Variants in TNS3 observed in about 807,000 individuals in gnomAD.
TNS3 encodes the protein tensin 3.
Under a neutral mutation model 140.9 loss-of-function variants are expected in TNS3, and 45 were observed. The ratio of observed to expected loss-of-function variants is 0.32; its 90% confidence interval spans 0.25 to 0.41. The LOEUF (loss-of-function observed/expected upper bound fraction) is 0.41, where lower values mean the gene tolerates loss of function less well. Ranked by LOEUF, TNS3 falls within the 10% of genes least tolerant of loss-of-function variation. The probability of loss-of-function intolerance (pLI) is 1.00; values close to 1 mark genes in which losing one functional copy is unlikely to be tolerated. For synonymous variants in TNS3, 815 were observed against 788.4 expected (o/e 1.03, Z -0.56); for missense variants, 1,716 against 1,906.7 (o/e 0.90, Z 1.86).
intron 24 of TNS3, among the ~76,000 whole-genome samples, chr7:47,295,776 C>T (rs1387757638): frequency 6.6e-6 from 1 of 152,128 alleles, no homozygotes; most frequent in African/African-American, 2.4e-5. Context: ...ACGCTACAGC[C>T]CTGCCTGAGG....
At chr7:47,525,553 T>C (rs1799161612) in intron 2 of TNS3, among the ~76,000 whole-genome samples, 1 of 152,158 alleles carries the variant, frequency 6.6e-6, no homozygotes, top group South Asian at 2.1e-4. Flanking sequence ...TCTGTTTCTA[T>C]CTCCCTCAAG....
At chr7:47,446,673 C>T (rs1459103108) in intron 4 of TNS3, among the ~76,000 whole-genome samples, 1 of 131,784 alleles carries the variant, frequency 7.6e-6, no homozygotes, top group African/African-American at 2.8e-5. Flanking sequence ...CAAAGACCGC[C>T]CTGTTCCAGG....
intron 16 of TNS3, among the ~76,000 whole-genome samples, chr7:47,381,097 C>T (rs1791730688): frequency 6.6e-6 from 1 of 152,234 alleles, no homozygotes; most frequent in African/African-American, 2.4e-5. Flanking sequence ...GAAAGAAGCT[C>T]CTCCTGGGAG....
At chr7:47,386,600 G>C (rs1792086540) in intron 16 of TNS3, among the ~76,000 whole-genome samples, 1 of 152,228 alleles carries the variant, frequency 6.6e-6, no homozygotes, top group Non-Finnish European at 1.5e-5. Context: ...AGACAGCCAG[G>C]CAGGCTCTAG....
chr7:47,356,917 A>G (rs1790025975), intron 17 of TNS3, among the ~76,000 whole-genome samples: 1 of 109,172 alleles, frequency 9.2e-6, no homozygotes, highest in Admixed American at 9.8e-5. Flanking sequence ...TCTCTACAGA[A>G]AAATACAAAA....
intron 20 of TNS3, among the ~76,000 whole-genome samples, chr7:47,321,651 C>T (rs1787742292): frequency 6.6e-6 from 1 of 152,216 alleles, no homozygotes; most frequent in South Asian, 2.1e-4. Context: ...ATGCTTGAAG[C>T]TCTCATCTGT....
chr7:47,516,507 G>A (rs1258563541), intron 2 of TNS3, among the ~76,000 whole-genome samples: 1 of 152,102 alleles, frequency 6.6e-6, no homozygotes, highest in African/African-American at 2.4e-5. Context: ...TACACCTGCA[G>A]TGACTATCAG....
intron 1 of TNS3, among the ~76,000 whole-genome samples, chr7:47,530,714 C>T (rs1799360122): frequency 6.7e-6 from 1 of 150,198 alleles, no homozygotes; most frequent in Admixed American, 6.7e-5. Context: ...ATCCCAGCTA[C>T]TCGGGAGGCT....
intron 16 of TNS3, among the ~76,000 whole-genome samples, chr7:47,392,641 A>G (rs1032846727): frequency 2.0e-5 from 3 of 152,112 alleles, no homozygotes; most frequent in Non-Finnish European, 4.4e-5. Flanking sequence ...TGCGGCTGGG[A>G]CTCAGCCTTT....
At chr7:47,451,503 C>T (rs957942934) in intron 4 of TNS3, among the ~76,000 whole-genome samples, 5 of 152,150 alleles carry the variant, frequency 3.3e-5, no homozygotes, top group Non-Finnish European at 5.9e-5. Context: ...ATCGCTCAAA[C>T]CCAGGAGGTG....
chr7:47,308,310 T>C (rs532443625), intron 20 of TNS3, among the ~76,000 whole-genome samples: 1 of 152,302 alleles, frequency 6.6e-6, no homozygotes, highest in South Asian at 2.1e-4. Flanking sequence ...CTCTCTCCAG[T>C]GAAGTTTGGT....
At chr7:47,467,337 T>C (rs1796761619) in intron 4 of TNS3, among the ~76,000 whole-genome samples, 1 of 152,228 alleles carries the variant, frequency 6.6e-6, no homozygotes, top group South Asian at 2.1e-4. Context: ...CTCATCCAAT[T>C]AAACATGTTT....
intron 4 of TNS3, among the ~76,000 whole-genome samples, chr7:47,463,447 A>T (rs1796572649): frequency 6.6e-6 from 1 of 152,166 alleles, no homozygotes. Flanking sequence ...CTAATTTAAT[A>T]AATACTGTGG....
chr7:47,528,973 G>T, intron 2 of TNS3, 63 bp downstream of exon 2: 1 of 1,068,320 alleles, frequency 9.4e-7, no homozygotes, highest in Non-Finnish European at 1.2e-6. Flanking sequence ...AAAAGTTTTC[G>T]TTTTGTTTCT....
chr7:47,497,697 A>ACACACACACACACG (rs139313048), intron 3 of TNS3, among the ~76,000 whole-genome samples: 9,568 of 148,422 alleles, frequency 0.064, 411 homozygotes, highest in East Asian at 0.11. Context: ...ACACACACAC[A>ACACACACACACACG]GAGCAGGAAA....
At chr7:47,301,711 A>G (rs554791231) in intron 23 of TNS3, among the ~76,000 whole-genome samples, 1 of 151,558 alleles carries the variant, frequency 6.6e-6, no homozygotes, top group South Asian at 2.1e-4. Flanking sequence ...GCATGCGGCT[A>G]AGTCCACAAC....
At chr7:47,461,818 G>A (rs779866316) in intron 4 of TNS3, among the ~76,000 whole-genome samples, 38 of 152,218 alleles carry the variant, frequency 2.5e-4, no homozygotes, top group African/African-American at 8.4e-4. Flanking sequence ...AGAGCCTTGC[G>A]TGAGGCAGTC....
Position 47,442,018 on chromosome 7 carries a change from C to T in TNS3, c.-38G>A, listed in dbSNP as rs1054900898. ...AGACACTCACCGCAGAGGTTTATCACGGCAGAGAGAACTGGACAGCGTGGA... is the reference window on the plus strand; with the variant it reads ...AGACACTCACCGCAGAGGTTTATCATGGCAGAGAGAACTGGACAGCGTGGA... On this transcript the variant is annotated 5_prime_UTR_variant, in exon 5 of 31. The change creates a new upstream start codon in the 5' untranslated region. Coordinates refer to ENST00000311160, the MANE Select transcript of TNS3 (RefSeq NM_022748.12). The T allele has an allele frequency of 2.0e-5, 26 of 1,289,752 alleles. No homozygotes were observed. Among genetic ancestry groups the T allele is most frequent in the South Asian group, 7.4e-5 (6 of 80,864 alleles). The allele number at this position is 1,289,752 out of a possible 1,614,324, so 79.9% of individuals were successfully genotyped here.
intron 3 of TNS3, among the ~76,000 whole-genome samples, chr7:47,482,604 T>C (rs1158498322): frequency 6.6e-6 from 1 of 152,176 alleles, no homozygotes; most frequent in Non-Finnish European, 1.5e-5. Context: ...CCCTCAAGCA[T>C]GGTATCTACT....
Sources: allele counts gnomAD v4.1 joint callset (sites outside exome capture counted in the v4.1 genomes callset), GRCh38; gene constraint gnomAD v4.1.1; transcripts MANE v1.5; gene names NCBI Gene and HGNC (gene_info 2026-07-23, HGNC 2026-07-21).